FAM13B: variants seen among roughly 807,000 people sequenced by gnomAD.
FAM13B encodes family with sequence similarity 13 member B.
A neutral mutation model predicts 117.3 loss-of-function variants in FAM13B; 60 were observed. The ratio of observed to expected loss-of-function variants is 0.51; its 90% CI spans 0.42 to 0.63. The LOEUF is 0.63. FAM13B is among the 30% of genes least tolerant of loss of function. FAM13B has a pLI of 0.00. For missense variants in FAM13B, 972 were observed against 1,091.9 expected, an observed-to-expected ratio of 0.89 and a Z score of 1.55; for synonymous variants, 332 against 356.1, an observed-to-expected ratio of 0.93 and a Z score of 0.76.
rs1581047688 is a variant in FAM13B, at chr5:137,945,838, A to T, written c.2340+64T>A. ...ATTTCTCCAATATACCACAATAATA[A>T]TTTTTTTTGGGAAGAGTACATCTTG... On this transcript the variant is annotated intron_variant, in intron 20 of 23. Transcript: ENST00000689681. 9.0e-6 allele frequency: 11 copies of T among 1,217,020 alleles called. No individual in the cohort carries two copies. In the Admixed American group the frequency reaches 1.5e-4, roughly 17 times the overall value. The allele number at this position is 1,217,020 out of a possible 1,614,324, so 75.4% of individuals were successfully genotyped here.
At chr5:138,031,318 C>T (rs768133138) in intron 1 of FAM13B, among the ~76,000 whole-genome samples, 13 of 152,168 alleles carry the variant, frequency 8.5e-5, no homozygotes, top group Non-Finnish European at 1.8e-4. Context: ...AGCTGTGTCA[C>T]ACACGTGTCT....
chr5:137,968,656 G>A (rs1385731581), intron 10 of FAM13B, among the ~76,000 whole-genome samples: 2 of 152,128 alleles, frequency 1.3e-5, no homozygotes, highest in East Asian at 1.9e-4. Flanking sequence ...CAGCGTGAGC[G>A]ACGCAAAAGA....
intron 7 of FAM13B, among the ~76,000 whole-genome samples, chr5:138,004,513 T>C (rs73299280): frequency 0.014 from 2,143 of 152,314 alleles, 64 homozygotes; most frequent in African/African-American, 0.049. Flanking sequence ...CTGCCCAACA[T>C]GATAGTCACT....
intron 2 of FAM13B, 119 bp from the exon 3 acceptor site, chr5:138,019,265 G>T: frequency 1.2e-6 from 1 of 819,672 alleles, no homozygotes; most frequent in Non-Finnish European, 1.9e-6. Context: ...AAATGTTCCA[G>T]TTAGCAGGCC....
At chr5:137,981,922 T>C (rs1413535316) in intron 10 of FAM13B, among the ~76,000 whole-genome samples, 16 of 152,156 alleles carry the variant, frequency 1.1e-4, no homozygotes, top group Admixed American at 1.0e-3. Flanking sequence ...ACTGAGGAAG[T>C]ATCTGCAAGA....
intron 6 of FAM13B, among the ~76,000 whole-genome samples, chr5:138,010,381 G>A (rs568177880): frequency 2.6e-5 from 4 of 152,326 alleles, no homozygotes; most frequent in African/African-American, 9.6e-5. Flanking sequence ...CAAGGCAGGA[G>A]GACTGCTTGA....
rs1409129839 is a variant in FAM13B at position 137,968,919 on chromosome 5, C to T, written c.1180-6450G>A. 4.6e-5 allele frequency among the ~76,000 whole-genome samples: 7 copies of T among 152,344 alleles called. No homozygotes were observed. In the East Asian group the frequency reaches 9.6e-4, roughly 21 times the overall value. Reference sequence around the variant, plus strand: ...TTTCCGACGGGCTTAAAAAACGGCACACCAGGACATTATATCCCGCACCTG... The same window carrying T: ...TTTCCGACGGGCTTAAAAAACGGCATACCAGGACATTATATCCCGCACCTG... On this transcript the variant is annotated intron_variant, in intron 10 of 23. Coordinates refer to ENST00000689681, the MANE Select transcript of FAM13B (RefSeq NM_001385994.1).
intron 6 of FAM13B, among the ~76,000 whole-genome samples, chr5:138,010,474 A>C (rs1461483338): frequency 6.6e-6 from 1 of 152,228 alleles, no homozygotes; most frequent in Non-Finnish European, 1.5e-5. Context: ...AAAGATTATA[A>C]TGTAACCTCA....
intron 7 of FAM13B, among the ~76,000 whole-genome samples, chr5:137,998,120 G>A (rs1219125921): frequency 6.6e-6 from 1 of 152,214 alleles, no homozygotes; most frequent in Non-Finnish European, 1.5e-5. Context: ...CTGCTAAAGT[G>A]GAGCACTCTG....
At chr5:138,041,255 A>G (rs1183759958) in intron 1 of FAM13B, among the ~76,000 whole-genome samples, 1 of 152,156 alleles carries the variant, frequency 6.6e-6, no homozygotes, top group Non-Finnish European at 1.5e-5. Flanking sequence ...AACAAAGAAA[A>G]TTGTTTGCAT....
intron 7 of FAM13B, among the ~76,000 whole-genome samples, chr5:137,996,139 GTTTTTTGTTTTTTT>G (rs1779802655): frequency 2.0e-5 from 3 of 152,132 alleles, no homozygotes; most frequent in South Asian, 4.2e-4. Context: ...CCAGTTTTTT[GTTTTTTGTTTTTTT>G]GAGACAGAGT....
intron 10 of FAM13B, among the ~76,000 whole-genome samples, chr5:137,983,026 A>T (rs1338286749): frequency 6.6e-6 from 1 of 152,084 alleles, no homozygotes; most frequent in African/African-American, 2.4e-5. Flanking sequence ...CATAGATGGT[A>T]GGTAGAGCCA....
chr5:138,028,318 A>G (rs1460623734), intron 1 of FAM13B, among the ~76,000 whole-genome samples: 1 of 152,230 alleles, frequency 6.6e-6, no homozygotes, highest in Admixed American at 6.5e-5. Flanking sequence ...GGCCTACTAG[A>G]CTGATAAGAG....
intron 7 of FAM13B, among the ~76,000 whole-genome samples, chr5:138,004,204 G>C (rs1282343825): frequency 6.6e-6 from 1 of 151,532 alleles, no homozygotes; most frequent in Non-Finnish European, 1.5e-5. Flanking sequence ...AGGAGGTGGA[G>C]GATGCAGTGA....
rs750058313 is a variant in FAM13B, at chr5:138,007,039, A to G, written c.799T>C (p.Leu267=). 1.2e-6 allele frequency: 2 copies of G among 1,613,254 alleles called. No individual in the cohort carries two copies. Among genetic ancestry groups the G allele is most frequent in the South Asian group, 2.2e-5 (2 of 90,898 alleles). Residue 267 remains leucine (L), a synonymous_variant, in exon 7 of 24, where the codon TTA becomes CTA. Coordinates refer to ENST00000689681, the MANE Select transcript of FAM13B (RefSeq NM_001385994.1). ...TCCAGGATGTTTTCAGTCATCCTTA[A>G]TTGTACCACCTCTGGCATGTCATTT... ...KSNDMPEVVQ[L]RMTENILESN...
At chr5:138,050,920 C>T (rs1209291369) in intron 1 of FAM13B, among the ~76,000 whole-genome samples, 2 of 152,044 alleles carry the variant, frequency 1.3e-5, no homozygotes, top group Non-Finnish European at 2.9e-5. Context: ...AAAAATAATA[C>T]ATATTTGTTC....
upstream of FAM13B, chr5:138,033,979 G>A (rs1191377351): frequency 2.3e-4 from 35 of 152,096 alleles, no homozygotes. Context: ...CTTGGGACAA[G>A]ATTTGAAAAA....
chr5:137,961,906 C>T (rs780279976), intron 11 of FAM13B, among the ~76,000 whole-genome samples: 4 of 152,122 alleles, frequency 2.6e-5, no homozygotes, highest in Non-Finnish European at 5.9e-5. Flanking sequence ...ATACTCATTG[C>T]CTCCAGTATT....
chr5:138,019,592 C>G (rs1256872757), intron 2 of FAM13B, among the ~76,000 whole-genome samples: 1 of 152,146 alleles, frequency 6.6e-6, no homozygotes, highest in African/African-American at 2.4e-5. Flanking sequence ...TTAGAAAGTG[C>G]AGATCTAATA....
Sources: gnomAD v4.1 joint callset for allele counts (sites outside exome capture counted in the v4.1 genomes callset) on GRCh38, gnomAD v4.1.1 for gene constraint, MANE v1.5 for transcripts, NCBI Gene and HGNC (gene_info 2026-07-23, HGNC 2026-07-21) for gene names.